OTOGL: variants seen among roughly 807,000 people sequenced by gnomAD.
OTOGL encodes the protein otogelin like, also known as otogelin-like protein.
OTOGL carries 285 observed loss-of-function variants against 318.5 expected under a neutral mutation model. The ratio of observed to expected loss-of-function variants is 0.89; its 90% CI spans 0.81 to 0.99. The LOEUF is 0.99. Ranked by LOEUF, OTOGL falls within the 50% of genes least tolerant of loss-of-function variation. OTOGL has a pLI of 0.00. For missense variants in OTOGL, 2,899 were observed against 2,845.6 expected (o/e 1.02, Z -0.43); for synonymous variants, 987 against 936.5 (o/e 1.05, Z -0.99).
At chr12:80,144,518 G>C (rs895162543) in intron 1 of OTOGL, among the ~76,000 whole-genome samples, 1 of 149,124 alleles carries the variant, frequency 6.7e-6, no homozygotes, top group African/African-American at 2.5e-5. Context: ...ATAAACATAC[G>C]TGTGCATGTG....
chr12:80,239,439 A>T lies in OTOGL; in HGVS notation c.1052A>T (p.Lys351Ile). Residue 351 changes from lysine to isoleucine, a missense_variant and splice_region_variant, in exon 11 of 59, where the codon AAA (lysine) becomes ATA (isoleucine). Transcript: ENST00000547103. ...GCCAGCTGTGTTAATGATCTTTGCA[A>T]GTAAGTGAAATGACTTGTAGTTGTA... ...YIASCVNDLC[K>I]TDDDETYCRA... The T allele has an allele frequency of 6.4e-7, 1 of 1,553,476 alleles. No individual in the cohort carries two copies. The highest frequency in any genetic ancestry group is 1.9e-5 in the Admixed American group (1 of 53,094).
rs1878415755 is a variant in OTOGL, at chr12:80,222,214, GTGGTGATTT to G, written c.459_467del (p.Cys153_Leu156delinsTrp). On this transcript the variant is annotated inframe_deletion, in exon 7 of 59. Coordinates refer to ENST00000547103, the MANE Select transcript of OTOGL (RefSeq NM_001378609.3). ...TGTTCTTACATTTTTGCAAAGGACT[GTGGTGATTT>G]GGAGCCTCGGTACACTGTATGGGTA... 1.3e-6 allele frequency: 2 copies of G among 1,597,698 alleles called. No individual in the cohort carries two copies. Among genetic ancestry groups the G allele is most frequent in the Non-Finnish European group, 1.7e-6 (2 of 1,178,398 alleles).
At chr12:80,179,349 C>G (rs1299342209) in intron 1 of OTOGL, among the ~76,000 whole-genome samples, 3 of 152,248 alleles carry the variant, frequency 2.0e-5, no homozygotes, top group Non-Finnish European at 2.9e-5. Context: ...CTTCATTAAA[C>G]TGAATTTGAT....
intron 1 of OTOGL, chr12:80,132,226 AG>A (rs1206065129): frequency 1.3e-5 from 2 of 152,172 alleles, no homozygotes; most frequent in African/African-American, 4.8e-5. Flanking sequence ...GAACCTTTAT[AG>A]TCTGATTATT....
intron 1 of OTOGL, among the ~76,000 whole-genome samples, chr12:80,134,576 A>T (rs1282679012): frequency 1.3e-5 from 2 of 152,162 alleles, no homozygotes; most frequent in African/African-American, 2.4e-5. Context: ...TGTTTAATTG[A>T]ATTGGTAGTC....
chr12:80,237,577 C>CAA (rs1293626619), intron 9 of OTOGL, among the ~76,000 whole-genome samples: 2 of 151,976 alleles, frequency 1.3e-5, no homozygotes, highest in Non-Finnish European at 2.9e-5. Context: ...AAGAACAGCA[C>CAA]AAAGTTAATA....
Position 80,266,564 on chromosome 12 carries a change from A to G in OTOGL, c.2338A>G (p.Asn780Asp), listed in dbSNP as rs1882985492. 6.2e-7 allele frequency: 1 copy of G among 1,613,386 alleles called. No individual in the cohort carries two copies. Among genetic ancestry groups the G allele is most frequent in the Non-Finnish European group, 8.5e-7 (1 of 1,179,746 alleles). The change falls in exon 21 of 59, where the codon AAT becomes GAT. Residue 780 changes from asparagine to aspartate, a missense_variant. Asn to Asp is a conservative substitution (Grantham distance 23). This residue lies in a region of OTOGL where 2,607 missense variants were observed against 2,524.9 expected (regional missense o/e 1.03). Coordinates refer to ENST00000547103, the MANE Select transcript of OTOGL (RefSeq NM_001378609.3). ...QCSDDCAEGC[N>D]CPEGKFYEDT... ...CAGTGATGACTGTGCTGAAGGCTGT[A>G]ATTGTCCGGAAGGCAAATTCTATGA... is the stretch of plus-strand genomic sequence containing the variant.
intron 18 of OTOGL, among the ~76,000 whole-genome samples, 183 bp downstream of exon 18, chr12:80,258,185 G>A (rs1882231767): frequency 6.6e-6 from 1 of 152,016 alleles, no homozygotes; most frequent in South Asian, 2.1e-4. Context: ...TGTAGATAAG[G>A]AAACTAATCA....
chr12:80,208,098 A>G (rs939485190), intron 1 of OTOGL: 7 of 456,694 alleles, frequency 1.5e-5, no homozygotes, highest in African/African-American at 1.4e-4. Flanking sequence ...ACAGTCACAT[A>G]ACTACTTTAT....
intron 1 of OTOGL, among the ~76,000 whole-genome samples, chr12:80,141,150 A>G (rs1486353915): frequency 6.6e-6 from 1 of 152,132 alleles, no homozygotes; most frequent in East Asian, 1.9e-4. Context: ...ACTCTGTCAC[A>G]TTCCCCGAGT....
Position 80,229,390 on chromosome 12 carries a change from G to T in OTOGL, c.611+12G>T. On this transcript the variant is annotated intron_variant, in intron 8 of 58. Coordinates refer to ENST00000547103, the MANE Select transcript of OTOGL (RefSeq NM_001378609.3). ...AAGAATGGAATCAGGTAGGATATGG[G>T]AAACAGTGAAATGTCAGTAACACCA... 1 of 1,590,262 alleles carries T rather than the reference G, an allele frequency of 6.3e-7. No individual in the cohort carries two copies. Among genetic ancestry groups the T allele is most frequent in the Non-Finnish European group, 8.5e-7 (1 of 1,171,950 alleles).
chr12:80,225,478 T>C (rs1878750291), intron 7 of OTOGL, among the ~76,000 whole-genome samples: 1 of 152,200 alleles, frequency 6.6e-6, no homozygotes, highest in African/African-American at 2.4e-5. Flanking sequence ...AATGTCACTT[T>C]CCCCTTGATT....
chr12:80,207,719 C>T (rs1876918451), intron 1 of OTOGL, among the ~76,000 whole-genome samples: 1 of 152,144 alleles, frequency 6.6e-6, no homozygotes, highest in South Asian at 2.1e-4. Context: ...AGTCAATAAA[C>T]ATTCTGCATA....
chr12:80,181,752 T>C (rs1874937286), intron 1 of OTOGL, among the ~76,000 whole-genome samples: 1 of 152,158 alleles, frequency 6.6e-6, no homozygotes. Flanking sequence ...CTACTCTTCC[T>C]TGCATAACTG....
chr12:80,227,468 T>C (rs914171673), intron 7 of OTOGL, among the ~76,000 whole-genome samples: 1 of 152,230 alleles, frequency 6.6e-6, no homozygotes, highest in African/African-American at 2.4e-5. Flanking sequence ...AAATGACTAA[T>C]GATTCATGAA....
At chr12:80,319,728 C>G (rs1161385926) in intron 33 of OTOGL, among the ~76,000 whole-genome samples, 1 of 151,892 alleles carries the variant, frequency 6.6e-6, no homozygotes, top group Non-Finnish European at 1.5e-5. Context: ...GAAAATCAAC[C>G]TAAAATAATC....
chr12:80,172,986 G>A (rs948297479), intron 1 of OTOGL, among the ~76,000 whole-genome samples: 1 of 152,066 alleles, frequency 6.6e-6, no homozygotes, highest in Admixed American at 6.6e-5. Flanking sequence ...ACAGATGCTG[G>A]GCTTAATACC....
chr12:80,136,520 A>T (rs78329541), intron 1 of OTOGL, among the ~76,000 whole-genome samples: 1 of 151,864 alleles, frequency 6.6e-6, no homozygotes. Flanking sequence ...ATATATTTTC[A>T]CCTCTTGTAC....
At chr12:80,277,129 TTAAG>T (rs1177739686) in intron 24 of OTOGL, among the ~76,000 whole-genome samples, 2 of 148,044 alleles carry the variant, frequency 1.4e-5, no homozygotes, top group African/African-American at 2.4e-5. Flanking sequence ...TATTTGTTAT[TTAAG>T]TAAATTAAAT....
Sources: allele counts gnomAD v4.1 joint callset (sites outside exome capture counted in the v4.1 genomes callset), GRCh38; gene constraint gnomAD v4.1.1; regional missense constraint gnomAD v4.1.1; transcripts MANE v1.5; gene names NCBI Gene and HGNC (gene_info 2026-07-23, HGNC 2026-07-21).